The following DNAH11 variants were observed in gnomAD, a reference collection of about 807,000 sequenced individuals.
DNAH11 encodes the protein dynein axonemal heavy chain 11.
In DNAH11, 442 loss-of-function variants were observed where a neutral mutation model predicts 526.0. The ratio of observed to expected loss-of-function variants is 0.84; its 90% CI spans 0.78 to 0.91. DNAH11 has a LOEUF of 0.91. DNAH11 is among the 40% of genes least tolerant of loss of function. The pLI is 0.00. For synonymous variants in DNAH11, 2,461 were observed against 1,935.9 expected, an observed-to-expected ratio of 1.27 and a Z score of -7.12; for missense variants, 6,989 against 5,448.7, an observed-to-expected ratio of 1.28 and a Z score of -8.90.
intron 8 of DNAH11, among the ~76,000 whole-genome samples, chr7:21,572,488 G>C (rs1046329731): frequency 2.0e-5 from 3 of 152,132 alleles, no homozygotes; most frequent in African/African-American, 7.2e-5. Flanking sequence ...CTGCTTCTGT[G>C]CTCTGTCAGT....
At chr7:21,686,214 T>C (rs1230926006) in intron 32 of DNAH11, among the ~76,000 whole-genome samples, 2 of 152,202 alleles carry the variant, frequency 1.3e-5, no homozygotes, top group Non-Finnish European at 2.9e-5. Context: ...TTCCTACAAT[T>C]AACCTCATTT....
intron 24 of DNAH11, among the ~76,000 whole-genome samples, 154 bp downstream of exon 24, chr7:21,619,376 A>G (rs1302624783): frequency 1.3e-5 from 2 of 152,196 alleles, no homozygotes; most frequent in Admixed American, 1.3e-4. Context: ...GATGAGCAGG[A>G]ACTAGAATCA....
chr7:21,883,907 G>A (rs1384353845), intron 75 of DNAH11, among the ~76,000 whole-genome samples: 2 of 152,150 alleles, frequency 1.3e-5, no homozygotes, highest in Non-Finnish European at 2.9e-5. Flanking sequence ...GCGAGATGTA[G>A]TGTCCTGTGC....
chr7:21,894,028 A>G (rs1784419991), intron 77 of DNAH11, among the ~76,000 whole-genome samples: 1 of 152,180 alleles, frequency 6.6e-6, no homozygotes, highest in South Asian at 2.1e-4. Context: ...AGCTGGGATT[A>G]CAGACATGCT....
chr7:21,610,345 C>T (rs1785470919), intron 20 of DNAH11, among the ~76,000 whole-genome samples: 1 of 152,260 alleles, frequency 6.6e-6, no homozygotes, highest in Non-Finnish European at 1.5e-5. Flanking sequence ...TTTTATACTA[C>T]CCCTCTGATT....
chr7:21,578,777 A>G (rs1043131123), intron 8 of DNAH11, among the ~76,000 whole-genome samples: 1 of 151,992 alleles, frequency 6.6e-6, no homozygotes, highest in African/African-American at 2.4e-5. Flanking sequence ...CTGTGTACCC[A>G]CAGAAACATG....
chr7:21,696,595 C>T (rs1314469673), intron 35 of DNAH11, among the ~76,000 whole-genome samples: 1 of 152,156 alleles, frequency 6.6e-6, no homozygotes, highest in East Asian at 1.9e-4. Context: ...TACTTTCTTT[C>T]ATTTGGGTCT....
At chr7:21,738,025 A>T (rs1219312975) in intron 46 of DNAH11, among the ~76,000 whole-genome samples, 1 of 152,214 alleles carries the variant, frequency 6.6e-6, no homozygotes, top group Non-Finnish European at 1.5e-5. Context: ...TATAGCAATG[A>T]ATATGACATA....
chr7:21,867,205 C>T (rs528576212), intron 71 of DNAH11, among the ~76,000 whole-genome samples: 1 of 152,200 alleles, frequency 6.6e-6, no homozygotes, highest in East Asian at 1.9e-4. Context: ...TTAATTCACA[C>T]AAGTCTCATT....
In DNAH11 at chr7:21,635,991, C is replaced by T. The variant is rs757013900; in HGVS notation, c.4621C>T (p.Arg1541Ter). 4 of 1,613,504 alleles carry T rather than the reference C, an allele frequency of 2.5e-6. No individual in the cohort carries two copies. The highest frequency in any genetic ancestry group is 1.1e-5 in the South Asian group (1 of 90,968). Residue 1541 changes from arginine to a stop codon, truncating the protein, a stop_gained, in exon 26 of 82, where the codon CGA (arginine) becomes TGA (stop). Coordinates refer to ENST00000409508, the MANE Select transcript of DNAH11 (RefSeq NM_001277115.2). LOFTEE classifies it high-confidence loss of function. ...CATCTTCACTTGGATGGAAGTCCAG[C>T]GAACTTGGTCTCACCTGGAAAGCAT... Reference protein sequence around the residue: ...LVIFTWMEVQRTWSHLESIFV... With the variant: ...LVIFTWMEVQ
At chr7:21,556,364 G>A (rs1026221520) in intron 2 of DNAH11, among the ~76,000 whole-genome samples, 2 of 152,196 alleles carry the variant, frequency 1.3e-5, no homozygotes, top group African/African-American at 4.8e-5. Context: ...TAAATAGAGT[G>A]AAGTCTGAAA....
At chr7:21,597,269 T>C (rs928494415) in intron 14 of DNAH11, among the ~76,000 whole-genome samples, 3 of 152,068 alleles carry the variant, frequency 2.0e-5, no homozygotes, top group African/African-American at 7.2e-5. Context: ...TATGAAAAAG[T>C]GTGTATGACC....
chr7:21,870,604 G>A (rs919012449), intron 73 of DNAH11, among the ~76,000 whole-genome samples: 2 of 152,244 alleles, frequency 1.3e-5, no homozygotes, highest in African/African-American at 4.8e-5. Flanking sequence ...AGACTGGAGA[G>A]AACACTAGGA....
chr7:21,681,717 T>A (rs538658906), intron 31 of DNAH11, 40 bp downstream of exon 31: 22 of 1,612,262 alleles, frequency 1.4e-5, no homozygotes, highest in East Asian at 2.2e-5. Context: ...CATTATTGTT[T>A]CCTGAAAGTG....
intron 54 of DNAH11, among the ~76,000 whole-genome samples, chr7:21,756,092 T>A (rs537249295): frequency 1.9e-4 from 29 of 152,198 alleles, no homozygotes; most frequent in African/African-American, 7.0e-4. Flanking sequence ...TTTTATGGCT[T>A]TCATGTGTTA....
chr7:21,738,758 A>G lies in DNAH11; in HGVS notation c.7703A>G (p.Asn2568Ser). The G allele has an allele frequency of 6.3e-7, 1 of 1,589,870 alleles. No individual in the cohort carries two copies. The change falls in exon 47 of 82, where the codon AAT becomes AGT. Residue 2568 changes from asparagine (N) to serine (S), a missense_variant. By Grantham distance (46) the Asn-to-Ser change is conservative. Coordinates refer to ENST00000409508, the MANE Select transcript of DNAH11 (RefSeq NM_001277115.2). Reference sequence around the variant, plus strand: ...GGTCATAACTATGGTCCTGGAGGAAATAAAAAATTGATTTATTTTATCGAC... The same window carrying G: ...GGTCATAACTATGGTCCTGGAGGAAGTAAAAAATTGATTTATTTTATCGAC... ...KAGHNYGPGGNKKLIYFIDDM... is the reference protein window; with the variant it reads ...KAGHNYGPGGSKKLIYFIDDM...
chr7:21,761,703 C>T (rs187765926), intron 54 of DNAH11, among the ~76,000 whole-genome samples: 235 of 152,274 alleles, frequency 1.5e-3, no homozygotes, highest in African/African-American at 5.5e-3. Context: ...ATGCCACCCT[C>T]CCAGGCCCAC....
rs772253654 is a variant in DNAH11, at chr7:21,717,854, C to A, written c.7063C>A (p.Pro2355Thr). The A allele has an allele frequency of 6.8e-6, 11 of 1,613,814 alleles. No individual in the cohort carries two copies. The highest frequency in any genetic ancestry group is 8.5e-6 in the Non-Finnish European group (10 of 1,179,808). ...NLTILFDKYV[P>T]ACLDKLRTSF... is the part of the protein sequence containing the mutation. ...GACTATTCTTTTTGATAAATATGTC[C>A]CTGCATGCTTGGATAAACTGAGAAC... is the stretch of plus-strand genomic sequence containing the variant. Residue 2355 changes from proline to threonine, a missense_variant, in exon 43 of 82, where the codon CCT becomes ACT. Coordinates refer to ENST00000409508, the MANE Select transcript of DNAH11 (RefSeq NM_001277115.2).
Position 21,690,777 on chromosome 7 carries a change from T to TG in DNAH11, c.5941dup (p.Glu1981GlyfsTer42). The TG allele has an allele frequency of 6.2e-7, 1 of 1,607,432 alleles. No individual in the cohort carries two copies. The highest frequency in any genetic ancestry group is 2.2e-5 in the East Asian group (1 of 44,612). ...CTTTTTATGGTAGATTTGTATTTCT[T>TG]GGGGAAGCTATCACACTGAAGCCAT... On this transcript the variant is annotated frameshift_variant, in exon 35 of 82. Coordinates refer to ENST00000409508, the MANE Select transcript of DNAH11 (RefSeq NM_001277115.2). LOFTEE classifies it high-confidence loss of function.
Sources: allele counts gnomAD v4.1 joint callset (sites outside exome capture counted in the v4.1 genomes callset), GRCh38; gene constraint gnomAD v4.1.1; transcripts MANE v1.5; gene names NCBI Gene and HGNC (gene_info 2026-07-23, HGNC 2026-07-21).